Variants in GREM1 observed in about 807,000 individuals in gnomAD.
GREM1 encodes gremlin 1, DAN family BMP antagonist.
GREM1 carries 6 observed loss-of-function variants against 13.1 expected under a neutral mutation model. That is an observed-to-expected ratio of 0.46 (90% CI 0.25 to 0.91). GREM1 has a LOEUF of 0.91. Ranked by LOEUF, GREM1 falls within the 40% of genes least tolerant of loss-of-function variation. The probability of loss-of-function intolerance (pLI) is 0.18; values close to 1 mark genes in which losing one functional copy is unlikely to be tolerated. For synonymous variants in GREM1, 98 were observed against 93.7 expected, an observed-to-expected ratio of 1.05 and a Z score of -0.27; for missense variants, 185 against 233.9, an observed-to-expected ratio of 0.79 and a Z score of 1.36.
chr15:32,735,717 T>C lies in GREM1; in HGVS notation c.*4472T>C, dbSNP rs1303522843. On this transcript the variant is annotated 3_prime_UTR_variant, in exon 2 of 2. Transcript: ENST00000651154. ...AGAAAAGCCACACCCATTAGAAAAATACAAGGCCTGAAAGGTGTGAGTGGG... is the reference window on the plus strand; with the variant it reads ...AGAAAAGCCACACCCATTAGAAAAACACAAGGCCTGAAAGGTGTGAGTGGG... 4 of 130,610 alleles carry C rather than the reference T, an allele frequency of 3.1e-5. No individual in the cohort carries two copies. The highest frequency in any genetic ancestry group is 6.5e-5 in the Non-Finnish European group (4 of 61,874). The allele number at this position is 130,610 out of a possible 1,614,324, so 8.1% of individuals were successfully genotyped here.
chr15:32,732,138 A>G lies in GREM1; in HGVS notation c.*893A>G, dbSNP rs765157945. 1.2e-5 allele frequency: 3 copies of G among 242,980 alleles called. No homozygotes were observed. The highest frequency in any genetic ancestry group is 2.6e-5 in the Non-Finnish European group (3 of 114,954). The allele number at this position is 242,980 out of a possible 1,614,324, so 15.1% of individuals were successfully genotyped here. ...GAAAACATAAATACTGACCACTCCT[A>G]TGTTCGGACCCAAGCAAGTTAGCTA... is the stretch of plus-strand genomic sequence containing the variant. On this transcript the variant is annotated 3_prime_UTR_variant, in exon 2 of 2. Transcript: ENST00000651154.
In GREM1 at chr15:32,738,123, A is replaced by ACC; in HGVS notation, c.*6878_*6879insCC. ...AAAAAAAAAAAAAAAAAAAAAAAAA[A>ACC]AAAAAAAAAAGAAAAGAAAAAAGTC... On this transcript the variant is annotated 3_prime_UTR_variant, in exon 2 of 2. Transcript: ENST00000651154. The ACC allele has an allele frequency of 7.3e-6, 1 of 137,744 alleles. No individual in the cohort carries two copies. The highest frequency in any genetic ancestry group is 2.7e-5 in the African/African-American group (1 of 37,246). The allele number at this position is 137,744 out of a possible 1,614,324, so 8.5% of individuals were successfully genotyped here.
chr15:32,733,393 T>A lies in GREM1; in HGVS notation c.*2148T>A. On this transcript the variant is annotated 3_prime_UTR_variant, in exon 2 of 2. Coordinates refer to ENST00000651154, the MANE Select transcript of GREM1 (RefSeq NM_013372.7). ...GCAAACACTGAATTTCTCTTGTTGT[T>A]TTAACTCTGCCACAAGAATGCAATT... 1 of 227,230 alleles carries A rather than the reference T, an allele frequency of 4.4e-6. No individual in the cohort carries two copies. Among genetic ancestry groups the A allele is most frequent in the Non-Finnish European group, 9.5e-6 (1 of 104,748 alleles). The allele number at this position is 227,230 out of a possible 1,614,324, so 14.1% of individuals were successfully genotyped here.
Position 32,732,193 on chromosome 15 carries a change from C to T in GREM1, c.*948C>T, listed in dbSNP as rs28482374. 0.073 allele frequency: 17,595 copies of T among 241,700 alleles called. 770 individuals are homozygous for T. The highest frequency in any genetic ancestry group is 0.099 in the Non-Finnish European group (11,297 of 114,400). The allele number at this position is 241,700 out of a possible 1,614,324, so 15.0% of individuals were successfully genotyped here. On this transcript the variant is annotated 3_prime_UTR_variant, in exon 2 of 2. Transcript: ENST00000651154. The stretch of plus-strand genomic sequence containing the variant: ...AAACCAACTCCTCTGCTTTGTCCCT[C>T]AGGTGGAAAAGAGAGGTAGTTTAGA...
chr15:32,729,269 C>T (rs969170317), intron 1 of GREM1, among the ~76,000 whole-genome samples: 4 of 152,144 alleles, frequency 2.6e-5, no homozygotes, highest in African/African-American at 7.2e-5. Flanking sequence ...CGTGATCCGC[C>T]GCCCATCTGG....
chr15:32,732,089 T>C lies in GREM1; in HGVS notation c.*844T>C, dbSNP rs771627320. 1.7e-5 allele frequency: 4 copies of C among 239,684 alleles called. No individual in the cohort carries two copies. Among genetic ancestry groups the C allele is most frequent in the Non-Finnish European group, 3.5e-5 (4 of 112,894 alleles). The allele number at this position is 239,684 out of a possible 1,614,324, so 14.8% of individuals were successfully genotyped here. On this transcript the variant is annotated 3_prime_UTR_variant, in exon 2 of 2. Transcript: ENST00000651154. Reference sequence around the variant, plus strand: ...AAGTGATTAACTTTGGCCGTTGCAATCTGCTCAAACCTAACACCAAACTGA... The same window carrying C: ...AAGTGATTAACTTTGGCCGTTGCAACCTGCTCAAACCTAACACCAAACTGA...
intron 1 of GREM1, 126 bp from the exon 2 acceptor site, chr15:32,730,564 A>G (rs1235118189): frequency 1.5e-6 from 1 of 662,498 alleles, no homozygotes; most frequent in Non-Finnish European, 2.5e-6. Context: ...TACTGTGAGA[A>G]GTAAATGGAA....
chr15:32,741,793 TGTTA>T lies in GREM1; in HGVS notation c.*10553_*10556del, dbSNP rs2055763744. On this transcript the variant is annotated 3_prime_UTR_variant, in exon 2 of 2. Coordinates refer to ENST00000651154, the MANE Select transcript of GREM1 (RefSeq NM_013372.7). ...TTCAGTTTTCCATTATTCGGTATAATGTTAGTTATGGGTTTTTAAAAATATATAT... is the reference window on the plus strand; with the variant it reads ...TTCAGTTTTCCATTATTCGGTATAATGTTATGGGTTTTTAAAAATATATAT... 6.6e-6 allele frequency: 1 copy of T among 152,218 alleles called. No homozygotes were observed. The highest frequency in any genetic ancestry group is 2.4e-5 in the African/African-American group (1 of 41,470). The allele number at this position is 152,218 out of a possible 1,614,324, so 9.4% of individuals were successfully genotyped here. A position where few individuals can be genotyped will look rare whatever the true frequency, so the allele number is the denominator to read the frequency against.
At position 32,730,381 on chromosome 15, in the gene GREM1, A is replaced by T. The variant is rs11854391; in HGVS notation, c.-1-309A>T. Among the ~76,000 whole-genome samples the T allele has an allele frequency of 0.58, 88,109 of 152,042 alleles. 27,497 individuals carry two copies. Among genetic ancestry groups the T allele is most frequent in the East Asian group, 0.77 (3,947 of 5,158 alleles). The stretch of plus-strand genomic sequence containing the variant: ...CTCAATAAGTGAACGTAATACAAAG[A>T]CAAATGTGGTTGGTGCCAGAGGCCA... On this transcript the variant is annotated intron_variant, in intron 1 of 1. Transcript: ENST00000651154.
In GREM1 at chr15:32,733,040, A is replaced by G. The variant is rs997943181; in HGVS notation, c.*1795A>G. The stretch of plus-strand genomic sequence containing the variant: ...TTTTGTTTTGATCCAGTGCTCTCCC[A>G]TCTAACAACTAAACAGGAGCCATTT... On this transcript the variant is annotated 3_prime_UTR_variant, in exon 2 of 2. Transcript: ENST00000651154. 8.7e-6 allele frequency: 2 copies of G among 229,256 alleles called. No homozygotes were observed. Among genetic ancestry groups the G allele is most frequent in the Non-Finnish European group, 1.9e-5 (2 of 106,240 alleles). The allele number at this position is 229,256 out of a possible 1,614,324, so 14.2% of individuals were successfully genotyped here.
intron 1 of GREM1, 27 bp downstream of exon 1, chr15:32,718,188 T>G: frequency 7.5e-7 from 1 of 1,340,048 alleles, no homozygotes. Context: ...CCGGCAGGGA[T>G]GTGAGTGGGC....
chr15:32,733,553 A>T lies in GREM1; in HGVS notation c.*2308A>T. The stretch of plus-strand genomic sequence containing the variant: ...CACTAACTTCACTGGGATAATCAGC[A>T]GCGTAACTACCCTAAAAGCATATCA... On this transcript the variant is annotated 3_prime_UTR_variant, in exon 2 of 2. Transcript: ENST00000651154. 8.6e-6 allele frequency: 2 copies of T among 233,704 alleles called. No homozygotes were observed. 14.5% of individuals were successfully genotyped at this position (233,704 alleles called of 1,614,324 possible). A position where few individuals can be genotyped will look rare whatever the true frequency, so the allele number is the denominator to read the frequency against.
In GREM1 at chr15:32,738,528, T is replaced by C. The variant is rs1048850284; in HGVS notation, c.*7283T>C. On this transcript the variant is annotated 3_prime_UTR_variant, in exon 2 of 2. Transcript: ENST00000651154. ...AATTAACATTGCTCTACAGATTCAA[T>C]ACAATTCTTATCAAAATCCCAGGTG... is the stretch of plus-strand genomic sequence containing the variant. 2.6e-5 allele frequency: 4 copies of C among 151,976 alleles called. No individual in the cohort carries two copies. The highest frequency in any genetic ancestry group is 9.7e-5 in the African/African-American group (4 of 41,228). The allele number at this position is 151,976 out of a possible 1,614,324, so 9.4% of individuals were successfully genotyped here. A position where few individuals can be genotyped will look rare whatever the true frequency, so the allele number is the denominator to read the frequency against.
chr15:32,739,607 G>A lies in GREM1; in HGVS notation c.*8362G>A, dbSNP rs191676363. Reference sequence around the variant, plus strand: ...TCAGCAAGATGTTGTATTAGCAAATGCTGGACCCTTCTTCAATCCACAAAC... The same window carrying A: ...TCAGCAAGATGTTGTATTAGCAAATACTGGACCCTTCTTCAATCCACAAAC... On this transcript the variant is annotated 3_prime_UTR_variant, in exon 2 of 2. Transcript: ENST00000651154. The A allele has an allele frequency of 6.0e-4, 92 of 152,296 alleles. No homozygotes were observed. Among genetic ancestry groups the A allele is most frequent in the African/African-American group, 2.1e-3 (86 of 41,564 alleles). 9.4% of individuals were successfully genotyped at this position (152,296 alleles called of 1,614,324 possible).
At position 32,741,477 on chromosome 15, in the gene GREM1, T is replaced by C. The variant is rs1231133716; in HGVS notation, c.*10232T>C. The C allele has an allele frequency of 6.6e-6, 1 of 152,040 alleles. No homozygotes were observed. The highest frequency in any genetic ancestry group is 1.5e-5 in the Non-Finnish European group (1 of 67,984). The allele number at this position is 152,040 out of a possible 1,614,324, so 9.4% of individuals were successfully genotyped here. On this transcript the variant is annotated 3_prime_UTR_variant, in exon 2 of 2. Transcript: ENST00000651154. ...TTGTTTTCCTAATTTTTGTTTAAGA[T>C]AGTTCATCGTTGGTATAGAAATGCC...
intron 1 of GREM1, among the ~76,000 whole-genome samples, chr15:32,721,518 G>A (rs1455796981): frequency 2.0e-5 from 3 of 152,152 alleles, no homozygotes; most frequent in Non-Finnish European, 4.4e-5. Context: ...CACTTTCGGA[G>A]ACTGAGGCAG....
At position 32,734,095 on chromosome 15, in the gene GREM1, A is replaced by G. The variant is rs1346756560; in HGVS notation, c.*2850A>G. Reference sequence around the variant, plus strand: ...AGTTGGGCAAAGAAGAAGCTGACACACCGTATGTTGTTAGAGTCTTTTATC... The same window carrying G: ...AGTTGGGCAAAGAAGAAGCTGACACGCCGTATGTTGTTAGAGTCTTTTATC... On this transcript the variant is annotated 3_prime_UTR_variant, in exon 2 of 2. Coordinates refer to ENST00000651154, the MANE Select transcript of GREM1 (RefSeq NM_013372.7). 4.1e-6 allele frequency: 1 copy of G among 243,196 alleles called. No individual in the cohort carries two copies. Among genetic ancestry groups the G allele is most frequent in the Non-Finnish European group, 8.7e-6 (1 of 115,198 alleles). 15.1% of individuals were successfully genotyped at this position (243,196 alleles called of 1,614,324 possible).
chr15:32,721,149 C>G (rs1357325733), intron 1 of GREM1, among the ~76,000 whole-genome samples: 1 of 151,822 alleles, frequency 6.6e-6, no homozygotes, highest in East Asian at 2.0e-4. Flanking sequence ...CGAGTGAAAA[C>G]TCCGTCAAAA....
At position 32,738,125 on chromosome 15, in the gene GREM1, A is replaced by AAAAAAAAAAAAAC; in HGVS notation, c.*6888_*6889insAAAACAAAAAAAA. 3.6e-5 allele frequency: 1 copy of AAAAAAAAAAAAAC among 27,986 alleles called. No homozygotes were observed. Among genetic ancestry groups the AAAAAAAAAAAAAC allele is most frequent in the Non-Finnish European group, 6.2e-5 (1 of 16,082 alleles). 1.7% of individuals were successfully genotyped at this position (27,986 alleles called of 1,614,324 possible). On this transcript the variant is annotated 3_prime_UTR_variant, in exon 2 of 2. Transcript: ENST00000651154. ...AAAAAAAAAAAAAAAAAAAAAAAAA[A>AAAAAAAAAAAAAC]AAAAAAAAGAAAAGAAAAAAGTCAT...
Sources: allele counts gnomAD v4.1 joint callset (sites outside exome capture counted in the v4.1 genomes callset), GRCh38; gene constraint gnomAD v4.1.1; transcripts MANE v1.5; gene names NCBI Gene and HGNC (gene_info 2026-07-23, HGNC 2026-07-21).